Variants in ATAD2 observed in about 807,000 individuals in gnomAD.
ATAD2 encodes the protein ATPase family AAA domain containing 2.
A neutral mutation model predicts 168.9 loss-of-function variants in ATAD2; 62 were observed. That is an observed-to-expected ratio of 0.37 (90% CI 0.30 to 0.45). The LOEUF (loss-of-function observed/expected upper bound fraction) is 0.45, where lower values mean the gene tolerates loss of function less well. ATAD2 is among the 20% of genes least tolerant of loss of function. The probability of loss-of-function intolerance (pLI) is 1.00; values close to 1 mark genes in which losing one functional copy is unlikely to be tolerated. For synonymous variants in ATAD2, 613 were observed against 571.6 expected (o/e 1.07, Z -1.03); for missense variants, 1,419 against 1,667.8 (o/e 0.85, Z 2.60).
At chr8:123,384,079 C>CA (rs754380577) in intron 1 of ATAD2, among the ~76,000 whole-genome samples, 1,766 of 73,060 alleles carry the variant, frequency 0.024, 25 homozygotes, top group African/African-American at 0.059. Context: ...GACTCCGTCT[C>CA]AAAAAAAAAA....
At chr8:123,346,299 T>C (rs372409088) in intron 17 of ATAD2, 27 bp from the exon 18 acceptor site, 2 of 1,527,978 alleles carry the variant, frequency 1.3e-6, no homozygotes, top group Middle Eastern at 2.0e-4. Context: ...TAATAAGCTA[T>C]GTTTTAGAAA....
At chr8:123,377,415 G>A (rs1829351285) in intron 2 of ATAD2, among the ~76,000 whole-genome samples, 1 of 151,962 alleles carries the variant, frequency 6.6e-6, no homozygotes, top group African/African-American at 2.4e-5. Context: ...CTAACATAAA[G>A]CCAAACAATG....
chr8:123,391,568 G>T (rs1829827410), intron 1 of ATAD2, among the ~76,000 whole-genome samples: 1 of 139,418 alleles, frequency 7.2e-6, no homozygotes, highest in Non-Finnish European at 1.5e-5. Flanking sequence ...ATGAATAAAT[G>T]TAACCACCCA....
chr8:123,328,658 A>G, intron 24 of ATAD2, 79 bp from the exon 25 acceptor site: 3 of 1,358,372 alleles, frequency 2.2e-6, no homozygotes, highest in Non-Finnish European at 9.8e-7. Context: ...ACCCTGATAT[A>G]TGAAAGGATA....
intron 17 of ATAD2, 53 bp from the exon 18 acceptor site, chr8:123,346,325 T>C (rs1828240975): frequency 1.4e-6 from 2 of 1,449,732 alleles, no homozygotes; most frequent in South Asian, 1.4e-5. Flanking sequence ...GTTTAAATTT[T>C]CCCCCTAAAT....
Position 123,359,394 on chromosome 8 carries a change from C to G in ATAD2, c.1267-58G>C. On this transcript the variant is annotated intron_variant, in intron 10 of 27. Transcript: ENST00000287394. ...ATTTGGAGTCCAGATTAAAATGTCA[C>G]CCCACACCATACACAGTCAATGAAG... 4 of 1,330,378 alleles carry G rather than the reference C, an allele frequency of 3.0e-6. No individual in the cohort carries two copies. The South Asian group carries it at 4.9e-5, about 16-fold the overall frequency. 82.4% of individuals were successfully genotyped at this position (1,330,378 alleles called of 1,614,324 possible).
At chr8:123,401,539 T>G (rs1431471363) in intron 1 of ATAD2, 4 of 1,555,540 alleles carry the variant, frequency 2.6e-6, no homozygotes. Flanking sequence ...GGGCTGTGTG[T>G]GGGCATAGGC....
chr8:123,344,106 A>G (rs1388795357), intron 19 of ATAD2, among the ~76,000 whole-genome samples: 1 of 152,168 alleles, frequency 6.6e-6, no homozygotes, highest in African/African-American at 2.4e-5. Context: ...ACCAGTGCTC[A>G]TACTAACTAA....
upstream of ATAD2, chr8:123,401,186 G>A: frequency 1.0e-6 from 1 of 956,062 alleles, no homozygotes. Flanking sequence ...CTGCAGCAAA[G>A]CAAGAAAGTG....
intron 1 of ATAD2, among the ~76,000 whole-genome samples, chr8:123,404,471 G>C (rs997371626): frequency 1.3e-5 from 2 of 151,968 alleles, no homozygotes; most frequent in Non-Finnish European, 2.9e-5. Context: ...TTCTTGGCTT[G>C]TAGGAGTGTA....
chr8:123,396,101 G>T, intron 1 of ATAD2, 86 bp downstream of exon 1: 1 of 1,389,066 alleles, frequency 7.2e-7, no homozygotes, highest in Non-Finnish European at 9.4e-7. Flanking sequence ...GACCGGCGCC[G>T]CCCACCCCCA....
chr8:123,322,160 G>A (rs1827487772), intron 27 of ATAD2, among the ~76,000 whole-genome samples: 1 of 151,956 alleles, frequency 6.6e-6, no homozygotes, highest in African/African-American at 2.4e-5. Flanking sequence ...GCTAGTTTTT[G>A]TTGTTTTAGT....
At chr8:123,348,606 G>C (rs1828336380) in intron 14 of ATAD2, among the ~76,000 whole-genome samples, 1 of 152,180 alleles carries the variant, frequency 6.6e-6, no homozygotes, top group Non-Finnish European at 1.5e-5. Flanking sequence ...GAATCCCGGG[G>C]ACGGAAGTTG....
intron 22 of ATAD2, among the ~76,000 whole-genome samples, chr8:123,334,642 C>T (rs1191749829): frequency 6.6e-6 from 1 of 151,600 alleles, no homozygotes; most frequent in Admixed American, 6.6e-5. Flanking sequence ...AAAGAGAAGG[C>T]TATCAGTGTC....
At chr8:123,367,934 T>G (rs890588133) in intron 8 of ATAD2, among the ~76,000 whole-genome samples, 2 of 152,170 alleles carry the variant, frequency 1.3e-5, no homozygotes, top group African/African-American at 2.4e-5. Context: ...AGGAGAAAAC[T>G]TCCAAGAACT....
intron 1 of ATAD2, chr8:123,401,997 T>C (rs780558291): frequency 2.3e-4 from 307 of 1,312,756 alleles, no homozygotes; most frequent in Non-Finnish European, 3.2e-4. Context: ...AGCCTGTCTG[T>C]CCTTTGGTCC....
intron 15 of ATAD2, 62 bp from the exon 16 acceptor site, chr8:123,347,468 T>G: frequency 1.4e-6 from 2 of 1,412,490 alleles, no homozygotes; most frequent in Non-Finnish European, 1.9e-6. Context: ...CACAAAACTC[T>G]ATTAGCATGA....
At chr8:123,357,795 A>T (rs1828695489) in intron 11 of ATAD2, 59 bp from the exon 12 acceptor site, 2 of 1,441,684 alleles carry the variant, frequency 1.4e-6, no homozygotes, top group East Asian at 4.8e-5. Flanking sequence ...TTTTAAAACA[A>T]AAATTAGAAA....
chr8:123,337,648 T>A lies in ATAD2; in HGVS notation c.3028A>T (p.Thr1010Ser), dbSNP rs748822483. 1.2e-6 allele frequency: 2 copies of A among 1,610,984 alleles called. No homozygotes were observed. The highest frequency in any genetic ancestry group is 1.7e-6 in the Non-Finnish European group (2 of 1,178,610). The part of the protein sequence containing the change: ...LAIDKRFRVF[T>S]KPVDPDEVPD... ...ACCTCATCAGGGTCAACAGGCTTAGTAAACACTCGGAATCGCTTGTCAATA... is the reference window on the plus strand; with the variant it reads ...ACCTCATCAGGGTCAACAGGCTTAGAAAACACTCGGAATCGCTTGTCAATA... The change falls in exon 21 of 28, where the codon ACT becomes TCT. Residue 1010 changes from threonine to serine, a missense_variant. Thr to Ser is a moderately conservative substitution (Grantham distance 58). Around this residue, in one of 5 missense-constraint regions of ATAD2, gnomAD observed 545 missense variants for 724.9 expected, o/e 0.75. Coordinates refer to ENST00000287394, the MANE Select transcript of ATAD2 (RefSeq NM_014109.4).
Sources: gnomAD v4.1 joint callset for allele counts (sites outside exome capture counted in the v4.1 genomes callset) on GRCh38, gnomAD v4.1.1 for gene constraint, gnomAD v4.1.1 regional missense constraint, MANE v1.5 for transcripts, NCBI Gene and HGNC (gene_info 2026-07-23, HGNC 2026-07-21) for gene names.